The following DCTN6 variants were observed in gnomAD, a reference collection of about 807,000 sequenced individuals.
DCTN6 encodes the protein dynactin subunit 6.
A neutral mutation model predicts 25.8 loss-of-function variants in DCTN6; 15 were observed. The observed-to-expected ratio is 0.58, with a 90% confidence interval of 0.39 to 0.89. DCTN6 has a LOEUF of 0.89. Ranked by LOEUF, DCTN6 falls within the 40% of genes least tolerant of loss-of-function variation. DCTN6 has a pLI of 0.00. For missense variants in DCTN6, 198 were observed against 237.6 expected, an observed-to-expected ratio of 0.83 and a Z score of 1.09; for synonymous variants, 64 against 78.3, an observed-to-expected ratio of 0.82 and a Z score of 0.96.
At chr8:30,174,472 A>G (rs1221552747) in intron 2 of DCTN6, among the ~76,000 whole-genome samples, 1 of 152,026 alleles carries the variant, frequency 6.6e-6, no homozygotes, top group Non-Finnish European at 1.5e-5. Flanking sequence ...AGCTGGGACT[A>G]CAGGCGCACA....
Position 30,164,232 on chromosome 8 carries a change from G to A in DCTN6, c.88+57G>A. The A allele has an allele frequency of 3.7e-6, 5 of 1,354,384 alleles. 1 individual carries two copies. The South Asian group carries it at 4.7e-5, about 13-fold the overall frequency. The allele number at this position is 1,354,384 out of a possible 1,614,324, so 83.9% of individuals were successfully genotyped here. A position where few individuals can be genotyped will look rare whatever the true frequency, so the allele number is the denominator to read the frequency against. On this transcript the variant is annotated intron_variant, in intron 2 of 6. Transcript: ENST00000221114. ...AATTGATGTGATTTAATCTATTTTA[G>A]TGCTTTACAATTAGATACCGTCTTC...
chr8:30,159,763 C>CT (rs35699156), intron 1 of DCTN6, among the ~76,000 whole-genome samples: 195 of 129,692 alleles, frequency 1.5e-3, no homozygotes, highest in South Asian at 5.8e-3. Context: ...GATTAGTTTT[C>CT]TTTTTTTTTT....
At chr8:30,160,419 TC>T (rs1320149470) in intron 1 of DCTN6, among the ~76,000 whole-genome samples, 1 of 152,218 alleles carries the variant, frequency 6.6e-6, no homozygotes, top group Non-Finnish European at 1.5e-5. Flanking sequence ...TCCTGAGGCC[TC>T]CCCAAACATG....
chr8:30,180,579 G>A lies in DCTN6; in HGVS notation c.423G>A (p.Thr141=), dbSNP rs143943390. 2.8e-3 allele frequency: 4,446 copies of A among 1,614,034 alleles called. 33 individuals are homozygous for A. The highest frequency in any genetic ancestry group is 0.011 in the South Asian group (1,001 of 91,074). Residue 141 remains threonine (T), a synonymous_variant, in exon 6 of 7, where the codon ACG becomes ACA. Transcript: ENST00000221114. ...LNTFEVIPEN[T]VIYGADCLRR... is the part of the protein sequence containing the mutation. Reference sequence around the variant, plus strand: ...CATTTGAAGTCATCCCTGAGAATACGGTGATCTATGGTGCAGACTGCCTTC... The same window carrying A: ...CATTTGAAGTCATCCCTGAGAATACAGTGATCTATGGTGCAGACTGCCTTC...
At chr8:30,180,689 A>AC in intron 6 of DCTN6, 59 bp downstream of exon 6, 2 of 1,571,954 alleles carry the variant, frequency 1.3e-6, no homozygotes, top group Non-Finnish European at 1.7e-6. Flanking sequence ...AATACAATGT[A>AC]ATTGTCTTCA....
At position 30,175,470 on chromosome 8, in the gene DCTN6, A is replaced by G. The variant is rs56971670; in HGVS notation, c.194+280A>G. Among the ~76,000 whole-genome samples, 810 of 151,806 alleles carry G rather than the reference A, an allele frequency of 5.3e-3. 4 individuals carry two copies. Among genetic ancestry groups the G allele is most frequent in the African/African-American group, 0.018 (757 of 41,402 alleles). On this transcript the variant is annotated intron_variant, in intron 3 of 6. Transcript: ENST00000221114. ...ATGTGGCTATCTCACCCATTCCTTA[A>G]GCAAACATTTCCCGAACACTTCAAG...
chr8:30,164,578 C>G (rs2117580128), intron 2 of DCTN6, among the ~76,000 whole-genome samples: 1 of 152,314 alleles, frequency 6.6e-6, no homozygotes, highest in East Asian at 1.9e-4. Flanking sequence ...TCCTTTCTTG[C>G]TGGGTTACTT....
intron 2 of DCTN6, among the ~76,000 whole-genome samples, chr8:30,165,410 C>T (rs1462728420): frequency 2.0e-5 from 3 of 149,572 alleles, no homozygotes; most frequent in African/African-American, 7.4e-5. Flanking sequence ...AGGAAATACA[C>T]TTTATTTCCT....
intron 1 of DCTN6, among the ~76,000 whole-genome samples, chr8:30,161,294 C>A (rs1436521790): frequency 6.6e-6 from 1 of 152,136 alleles, no homozygotes; most frequent in Non-Finnish European, 1.5e-5. Context: ...AAACCTCTTT[C>A]CTTTATAAAT....
chr8:30,174,997 A>G (rs561161166), intron 2 of DCTN6, 88 bp from the exon 3 acceptor site: 32 of 1,238,166 alleles, frequency 2.6e-5, no homozygotes, highest in African/African-American at 2.1e-4. Context: ...GTTCCTCCCA[A>G]CAGCCTCACC....
rs181152265 is a variant in DCTN6, at chr8:30,159,065, A to G, written c.23+2659A>G. 1.6e-3 allele frequency among the ~76,000 whole-genome samples: 247 copies of G among 152,260 alleles called. 2 individuals carry two copies. The highest frequency in any genetic ancestry group is 5.8e-3 in the African/African-American group (241 of 41,556). ...CCAAAGTGGTGGGATTACAGGCGTG[A>G]GCCACTGCACCTGGCCCAGATTGAC... On this transcript the variant is annotated intron_variant, in intron 1 of 6. Transcript: ENST00000221114.
chr8:30,169,065 G>C (rs1024903542), intron 2 of DCTN6, among the ~76,000 whole-genome samples: 2 of 152,214 alleles, frequency 1.3e-5, no homozygotes, highest in Admixed American at 6.5e-5. Flanking sequence ...ATGTGAAGGC[G>C]GAACTCGGCT....
intron 4 of DCTN6, 125 bp downstream of exon 4, chr8:30,177,339 T>C (rs1480585155): frequency 4.6e-6 from 3 of 647,602 alleles, no homozygotes; most frequent in East Asian, 2.8e-5. Context: ...CCTGTAGAAA[T>C]TGTAAAATTG....
intron 4 of DCTN6, chr8:30,177,556 A>C (rs1219735561): frequency 1.3e-5 from 2 of 158,786 alleles, no homozygotes; most frequent in East Asian, 3.6e-4. Flanking sequence ...TTAAAAAAAA[A>C]AATTACAAGA....
chr8:30,164,218 T>A, intron 2 of DCTN6, 43 bp downstream of exon 2: 1 of 1,454,828 alleles, frequency 6.9e-7, no homozygotes, highest in Non-Finnish European at 9.6e-7. Context: ...ATTGATGTGA[T>A]TTAATCTATT....
intron 2 of DCTN6, among the ~76,000 whole-genome samples, chr8:30,174,780 G>A (rs1803808908): frequency 6.6e-6 from 1 of 152,160 alleles, no homozygotes; most frequent in African/African-American, 2.4e-5. Context: ...CAGCAACCCT[G>A]TGGGACTGGT....
chr8:30,177,267 T>G, intron 4 of DCTN6, 53 bp downstream of exon 4: 1 of 1,426,108 alleles, frequency 7.0e-7, no homozygotes, highest in Non-Finnish European at 9.8e-7. Flanking sequence ...CTTTAGTACC[T>G]AAGTCTTCTC....
intron 6 of DCTN6, among the ~76,000 whole-genome samples, chr8:30,182,160 G>T (rs1157832580): frequency 6.6e-6 from 1 of 152,168 alleles, no homozygotes; most frequent in Non-Finnish European, 1.5e-5. Flanking sequence ...AAGAATATCT[G>T]AAGCTTTATA....
chr8:30,174,574 G>T (rs749975716), intron 2 of DCTN6, among the ~76,000 whole-genome samples: 1 of 152,002 alleles, frequency 6.6e-6, no homozygotes, highest in Non-Finnish European at 1.5e-5. Context: ...GACCTTAAGC[G>T]ATCTCCCCGC....
Sources: gnomAD v4.1 joint callset for allele counts (sites outside exome capture counted in the v4.1 genomes callset) on GRCh38, gnomAD v4.1.1 for gene constraint, MANE v1.5 for transcripts, NCBI Gene and HGNC (gene_info 2026-07-23, HGNC 2026-07-21) for gene names.